COL8A1: variants seen among roughly 807,000 people sequenced by gnomAD.
COL8A1 encodes the protein collagen alpha-1(VIII) chain.
COL8A1 carries 21 observed loss-of-function variants against 42.7 expected under a neutral mutation model. The ratio of observed to expected loss-of-function variants is 0.49; its 90% CI spans 0.35 to 0.71. COL8A1 has a LOEUF of 0.71. COL8A1 is among the 30% of genes least tolerant of loss of function. The pLI, the probability that COL8A1 is intolerant of heterozygous loss-of-function variation, is 0.01. For missense variants in COL8A1, 788 were observed against 962.4 expected, an observed-to-expected ratio of 0.82 and a Z score of 2.40; for synonymous variants, 367 against 369.1, an observed-to-expected ratio of 0.99 and a Z score of 0.06.
intron 1 of COL8A1, among the ~76,000 whole-genome samples, chr3:99,695,253 A>G (rs1033382084): frequency 6.6e-6 from 1 of 152,206 alleles, no homozygotes; most frequent in South Asian, 2.1e-4. Context: ...GGTATTTTAC[A>G]TTAGTCATAG....
intron 1 of COL8A1, among the ~76,000 whole-genome samples, chr3:99,640,948 C>T (rs1202124375): frequency 6.6e-6 from 1 of 152,082 alleles, no homozygotes; most frequent in Non-Finnish European, 1.5e-5. Flanking sequence ...CTTAATGTTT[C>T]TCAGAAAAGA....
intron 1 of COL8A1, among the ~76,000 whole-genome samples, chr3:99,696,772 A>G (rs1939381732): frequency 6.6e-6 from 1 of 152,196 alleles, no homozygotes; most frequent in Admixed American, 6.5e-5. Context: ...ACCAGAGTTT[A>G]AGGTTGTAAC....
At chr3:99,652,320 T>G (rs1937872195) in intron 1 of COL8A1, among the ~76,000 whole-genome samples, 1 of 152,230 alleles carries the variant, frequency 6.6e-6, no homozygotes, top group Admixed American at 6.5e-5. Flanking sequence ...TAATTAATGA[T>G]GATAATAACC....
chr3:99,694,660 A>G (rs1286001504), intron 1 of COL8A1, among the ~76,000 whole-genome samples: 2 of 152,226 alleles, frequency 1.3e-5, no homozygotes, highest in Non-Finnish European at 2.9e-5. Context: ...ATTATCAATT[A>G]TCTTCCTCAT....
rs1409070744 is a variant in COL8A1 at position 99,669,152 on chromosome 3, G to T, written c.-129+30488G>T. Among the ~76,000 whole-genome samples, 426 of 42,460 alleles carry T rather than the reference G, an allele frequency of 0.01. 1 individual carries two copies. In the East Asian group the frequency reaches 0.16, roughly 16 times the overall value. 27.9% of individuals were successfully genotyped at this position (42,460 alleles called of 152,430 possible). On this transcript the variant is annotated intron_variant, in intron 1 of 3. Transcript: ENST00000652472. The stretch of plus-strand genomic sequence containing the variant: ...ATATATATATATATATATATAGAGG[G>T]AGAGAGAGAGAGAGAGAGAGAGAGA...
intron 1 of COL8A1, among the ~76,000 whole-genome samples, chr3:99,669,016 G>C (rs1938448213): frequency 6.6e-6 from 1 of 151,140 alleles, no homozygotes; most frequent in Admixed American, 6.6e-5. Flanking sequence ...CCCTCACAAG[G>C]CTGCAATCCA....
chr3:99,778,800 C>A (rs2107445423), intron 2 of COL8A1, among the ~76,000 whole-genome samples: 1 of 152,200 alleles, frequency 6.6e-6, no homozygotes, highest in South Asian at 2.1e-4. Context: ...CATCATACTA[C>A]CAAGATGGTA....
intron 1 of COL8A1, among the ~76,000 whole-genome samples, chr3:99,644,718 A>G (rs1937612258): frequency 6.6e-6 from 1 of 152,238 alleles, no homozygotes; most frequent in South Asian, 2.1e-4. Context: ...ATGTGTTTAC[A>G]TCACAGGATA....
intron 1 of COL8A1, among the ~76,000 whole-genome samples, chr3:99,712,574 C>T (rs56094673): frequency 0.1 from 15,145 of 152,136 alleles, 903 homozygotes; most frequent in African/African-American, 0.16. Flanking sequence ...ACAACATTTC[C>T]TTTTCTGCCC....
At position 99,711,143 on chromosome 3, in the gene COL8A1, C is replaced by G. The variant is rs150200555; in HGVS notation, c.-128-33754C>G. ...ATTATTTTTTTCAATTGCAAATCTTCACAGTGGTCAGTCCTGCTTTTCACC... is the reference window on the plus strand; with the variant it reads ...ATTATTTTTTTCAATTGCAAATCTTGACAGTGGTCAGTCCTGCTTTTCACC... On this transcript the variant is annotated intron_variant, in intron 1 of 3. Transcript: ENST00000652472. 1.3e-3 allele frequency among the ~76,000 whole-genome samples: 205 copies of G among 152,204 alleles called. 7 individuals carry two copies. In the East Asian group the frequency reaches 0.032, roughly 24 times the overall value.
intron 1 of COL8A1, among the ~76,000 whole-genome samples, chr3:99,669,711 T>C (rs868546204): frequency 1.3e-5 from 2 of 152,022 alleles, no homozygotes; most frequent in Non-Finnish European, 1.5e-5. Flanking sequence ...TCTATCTCTT[T>C]AAGAAAGATA....
At chr3:99,683,148 A>G (rs1938941771) in intron 1 of COL8A1, among the ~76,000 whole-genome samples, 1 of 152,094 alleles carries the variant, frequency 6.6e-6, no homozygotes. Flanking sequence ...TTCTCATAGA[A>G]TTTTTTCATA....
At chr3:99,723,388 C>A (rs1940210739) in intron 1 of COL8A1, among the ~76,000 whole-genome samples, 1 of 152,050 alleles carries the variant, frequency 6.6e-6, no homozygotes, top group Admixed American at 6.6e-5. Context: ...CAGATTAGTT[C>A]CTGACAATGC....
intron 2 of COL8A1, among the ~76,000 whole-genome samples, chr3:99,761,008 T>C (rs1941356254): frequency 6.6e-6 from 1 of 152,222 alleles, no homozygotes; most frequent in Non-Finnish European, 1.5e-5. Flanking sequence ...AGATGAATTT[T>C]TAACTCAGGA....
intron 2 of COL8A1, among the ~76,000 whole-genome samples, chr3:99,766,097 G>A (rs1057156357): frequency 6.6e-6 from 1 of 152,194 alleles, no homozygotes; most frequent in Non-Finnish European, 1.5e-5. Flanking sequence ...TGGAACCACA[G>A]TAATGGCAAG....
chr3:99,774,216 G>A (rs1055222080), intron 2 of COL8A1, among the ~76,000 whole-genome samples: 7 of 150,140 alleles, frequency 4.7e-5, no homozygotes, highest in East Asian at 2.0e-4. Context: ...GTTAGAAGCC[G>A]GAACAAGTAG....
intron 2 of COL8A1, among the ~76,000 whole-genome samples, chr3:99,762,862 A>G (rs1941390295): frequency 6.6e-6 from 1 of 152,166 alleles, no homozygotes; most frequent in Admixed American, 6.5e-5. Context: ...TGGGGGAGAC[A>G]TGGCTGGAGG....
chr3:99,679,010 A>C (rs1268160158), intron 1 of COL8A1: 1 of 152,196 alleles, frequency 6.6e-6, no homozygotes, highest in Non-Finnish European at 1.5e-5. Flanking sequence ...CACTCTATCC[A>C]CATAGCTATC....
At chr3:99,738,401 T>C (rs1428443025) in intron 1 of COL8A1, among the ~76,000 whole-genome samples, 5 of 152,236 alleles carry the variant, frequency 3.3e-5, no homozygotes, top group Admixed American at 1.3e-4. Context: ...AGATGGGTTT[T>C]TGGTGTGGAT....
Sources: gnomAD v4.1 joint callset for allele counts (sites outside exome capture counted in the v4.1 genomes callset) on GRCh38, gnomAD v4.1.1 for gene constraint, MANE v1.5 for transcripts, NCBI Gene and HGNC (gene_info 2026-07-23, HGNC 2026-07-21) for gene names.